Variants in APOL3 observed in about 807,000 individuals in gnomAD.
APOL3 encodes the protein TNF-inducible protein CG12-1.
A neutral mutation model predicts 11.6 loss-of-function variants in APOL3; 14 were observed. The observed-to-expected ratio is 1.21, with a 90% CI of 0.80 to 1.89. APOL3 has a LOEUF of 1.89. Among genes scored for constraint, APOL3 ranks in the 40% most tolerant of loss-of-function variants. The probability of loss-of-function intolerance (pLI) is 0.00; values close to 1 mark genes in which losing one functional copy is unlikely to be tolerated. For synonymous variants in APOL3, 192 were observed against 190.6 expected, an observed-to-expected ratio of 1.01 and a Z score of -0.06; for missense variants, 483 against 492.1, an observed-to-expected ratio of 0.98 and a Z score of 0.17.
chr22:36,145,463 C>T lies in APOL3; in HGVS notation c.350+10G>A, dbSNP rs556832206. The T allele has an allele frequency of 2.5e-5, 41 of 1,613,706 alleles. No homozygotes were observed. Among genetic ancestry groups the T allele is most frequent in the East Asian group, 2.0e-4 (9 of 44,876 alleles). ...GGGGCGCCCCATGGAGGTAACCCCACGGAGGTTACCTGGGCAATTCAGCCG... is the reference window on the plus strand; with the variant it reads ...GGGGCGCCCCATGGAGGTAACCCCATGGAGGTTACCTGGGCAATTCAGCCG... On this transcript the variant is annotated intron_variant, in intron 2 of 2. Transcript: ENST00000349314.
At chr22:36,141,885 T>C in exon 3 of APOL3, 2 of 1,614,206 alleles carry the variant, frequency 1.2e-6, no homozygotes, top group Non-Finnish European at 8.5e-7. Context: ...TTCAATACCA[T>C]TTGCAAGGGC....
intron 1 of APOL3, among the ~76,000 whole-genome samples, chr22:36,158,332 A>G (rs1383781819): frequency 6.6e-6 from 1 of 152,166 alleles, no homozygotes; most frequent in Non-Finnish European, 1.5e-5. Flanking sequence ...TACTCAGCAC[A>G]CTTTACAAAG....
intron 1 of APOL3, chr22:36,159,522 T>C (rs2013447073): frequency 6.6e-6 from 1 of 152,372 alleles, no homozygotes; most frequent in South Asian, 2.1e-4. Flanking sequence ...CCCACAGTTA[T>C]GCTCACGCTT....
At chr22:36,149,516 T>G in intron 1 of APOL3, 4 of 638,120 alleles carry the variant, frequency 6.3e-6, no homozygotes, top group Non-Finnish European at 9.9e-6. Flanking sequence ...GATAACTAAT[T>G]GATAATAGCC....
intron 1 of APOL3, among the ~76,000 whole-genome samples, chr22:36,152,449 T>A (rs955653151): frequency 3.9e-5 from 6 of 152,074 alleles, no homozygotes; most frequent in Non-Finnish European, 8.8e-5. Context: ...TTGTTACCAG[T>A]CAGTATAATT....
chr22:36,141,151 C>G (rs780249723), exon 3 of APOL3: 4 of 1,565,958 alleles, frequency 2.6e-6, no homozygotes, highest in Middle Eastern at 1.7e-4. Context: ...TGCATTTTGT[C>G]GTGGCCTGTG....
chr22:36,143,243 C>G (rs1020816096), intron 2 of APOL3, among the ~76,000 whole-genome samples: 1 of 152,252 alleles, frequency 6.6e-6, no homozygotes, highest in East Asian at 1.9e-4. Flanking sequence ...GTCCCACATT[C>G]ACACAGGAGA....
Position 36,159,951 on chromosome 22 carries a change from G to A in APOL3, c.223+718C>T, listed in dbSNP as rs183528554. On this transcript the variant is annotated intron_variant, in intron 1 of 2. Transcript: ENST00000349314. ...AGGCTGGAGTGACTGGTGCGATCTC[G>A]ACTCACTGCAACCTTCATCACCTGG... Among the ~76,000 whole-genome samples, 554 of 151,684 alleles carry A rather than the reference G, an allele frequency of 3.7e-3. 4 individuals carry two copies. Among genetic ancestry groups the A allele is most frequent in the Non-Finnish European group, 5.1e-3 (346 of 67,914 alleles).
chr22:36,149,358 A>G, intron 1 of APOL3: 1 of 1,306,440 alleles, frequency 7.7e-7, no homozygotes, highest in Non-Finnish European at 1.0e-6. Context: ...ACACCAAGGC[A>G]GGGTCCTTTT....
chr22:36,149,345 C>G (rs1295275182), intron 1 of APOL3: 4 of 1,306,434 alleles, frequency 3.1e-6, no homozygotes, highest in Non-Finnish European at 4.0e-6. Flanking sequence ...TGCCCTCACT[C>G]TCACACCAAG....
intron 1 of APOL3, among the ~76,000 whole-genome samples, chr22:36,146,925 T>C (rs866720335): frequency 1.3e-5 from 2 of 152,148 alleles, no homozygotes. Flanking sequence ...GATTTATGTA[T>C]GCACTGGGAC....
At chr22:36,146,741 G>C (rs115887018) in intron 1 of APOL3, among the ~76,000 whole-genome samples, 1 of 152,044 alleles carries the variant, frequency 6.6e-6, no homozygotes, top group East Asian at 1.9e-4. Context: ...AGGTACAAAT[G>C]TTTCAACAGA....
intron 1 of APOL3, among the ~76,000 whole-genome samples, chr22:36,159,983 G>C (rs768131364): frequency 1.3e-5 from 2 of 152,062 alleles, no homozygotes; most frequent in Non-Finnish European, 2.9e-5. Flanking sequence ...CTGGGTTCAA[G>C]TGATTCTCAT....
chr22:36,158,558 G>A (rs537478363), intron 1 of APOL3, among the ~76,000 whole-genome samples: 2 of 152,290 alleles, frequency 1.3e-5, no homozygotes, highest in East Asian at 3.9e-4. Context: ...GGTGGCTCAT[G>A]CCTGTAATCC....
rs528735388 is a variant in APOL3, at chr22:36,154,820, A to G, written c.223+5849T>C. On this transcript the variant is annotated intron_variant, in intron 1 of 2. Coordinates refer to ENST00000349314, the Ensembl canonical transcript of APOL3. Reference sequence around the variant, plus strand: ...ATAGAATGCCTGTTTTTTCTACACCAAGTCAACTCTAACCTCTTCCTGGTC... The same window carrying G: ...ATAGAATGCCTGTTTTTTCTACACCGAGTCAACTCTAACCTCTTCCTGGTC... Among the ~76,000 whole-genome samples the G allele has an allele frequency of 7.7e-4, 117 of 152,244 alleles. 1 individual carries two copies. In the South Asian group the frequency reaches 0.011, roughly 14 times the overall value.
At chr22:36,150,857 C>T (rs2060406751) in intron 1 of APOL3, among the ~76,000 whole-genome samples, 1 of 152,168 alleles carries the variant, frequency 6.6e-6, no homozygotes, top group African/African-American at 2.4e-5. Context: ...TGCACTCCAC[C>T]CTGGTGACAG....
intron 1 of APOL3, chr22:36,156,838 A>T (rs1423775567): frequency 9.4e-6 from 4 of 424,354 alleles, no homozygotes; most frequent in Non-Finnish European, 1.9e-5. Flanking sequence ...ATCCCCTATG[A>T]CTGACCTGGG....
chr22:36,158,250 T>C (rs1038203384), intron 1 of APOL3, among the ~76,000 whole-genome samples: 1 of 151,848 alleles, frequency 6.6e-6, no homozygotes, highest in Admixed American at 6.6e-5. Flanking sequence ...GTTAGGGAGG[T>C]AAAGGTGGCA....
chr22:36,155,488 T>C (rs959268053), intron 1 of APOL3, among the ~76,000 whole-genome samples: 24 of 152,174 alleles, frequency 1.6e-4, no homozygotes, highest in African/African-American at 5.8e-4. Flanking sequence ...CATGCAACCA[T>C]GGTGACAGTG....
Sources: gnomAD v4.1 joint callset for allele counts (sites outside exome capture counted in the v4.1 genomes callset) on GRCh38, gnomAD v4.1.1 for gene constraint, MANE v1.5 for transcripts, NCBI Gene and HGNC (gene_info 2026-07-23, HGNC 2026-07-21) for gene names.